Variants in TMEM229B observed in about 807,000 individuals in gnomAD.
TMEM229B encodes transmembrane protein 229B, also known as chromosome 14 open reading frame 83.
TMEM229B carries 6 observed loss-of-function variants against 13.7 expected under a neutral mutation model. That is an observed-to-expected ratio of 0.44 (90% confidence interval 0.24 to 0.86). The LOEUF (loss-of-function observed/expected upper bound fraction) is 0.86, where lower values mean the gene tolerates loss of function less well. TMEM229B is among the 40% of genes least tolerant of loss of function. TMEM229B has a pLI of 0.23. For missense variants in TMEM229B, 170 were observed against 236.0 expected (o/e 0.72, Z 1.83); for synonymous variants, 107 against 102.1 (o/e 1.05, Z -0.29).
Position 67,473,542 on chromosome 14 carries a change from C to A in TMEM229B, c.382G>T (p.Ala128Ser), listed in dbSNP as rs757359265. The A allele has an allele frequency of 1.2e-6, 2 of 1,613,972 alleles. No individual in the cohort carries two copies. The change falls in exon 3 of 3, where the codon GCC becomes TCC. Residue 128 changes from alanine to serine, a missense_variant. Transcript: ENST00000554480. The surrounding 1 kb of genome is among the most constrained non-coding windows in gnomAD (Gnocchi z 6.5). ...LEYAVPWFCG[A>S]LIMEQFIIRN... ...ATGATGAACTGCTCCATGATGAGGG[C>A]CCCGCAGAACCAGGGCACGGCGTAC...
Position 67,473,984 on chromosome 14 carries a change from G to T in TMEM229B, c.-18-43C>A. 1 of 1,514,140 alleles carries T rather than the reference G, an allele frequency of 6.6e-7. No homozygotes were observed. The highest frequency in any genetic ancestry group is 1.3e-5 in the South Asian group (1 of 76,258). 93.8% of individuals were successfully genotyped at this position (1,514,140 alleles called of 1,614,324 possible). ...GAGACAGGTGAGGGCCGGGCGCGGT[G>T]GCTCACGCCTATAATCCCTGCGCTT... On this transcript the variant is annotated intron_variant, in intron 2 of 2. Coordinates refer to ENST00000554480, the MANE Select transcript of TMEM229B (RefSeq NM_001348543.2). The surrounding 1 kb of genome is among the most constrained non-coding windows in gnomAD (Gnocchi z 6.5).
At chr14:67,475,913 GA>G (rs1337417626) in intron 2 of TMEM229B, among the ~76,000 whole-genome samples, 2 of 152,226 alleles carry the variant, frequency 1.3e-5, no homozygotes, top group Non-Finnish European at 1.5e-5. Flanking sequence ...TGAACTCCTT[GA>G]GGATAGTGAC....
At chr14:67,496,307 G>T (rs2032362580) in intron 1 of TMEM229B, among the ~76,000 whole-genome samples, 1 of 149,890 alleles carries the variant, frequency 6.7e-6, no homozygotes, top group East Asian at 2.0e-4. Context: ...TGCCCAGGCT[G>T]GTCTCAAATT....
In TMEM229B at chr14:67,473,682, G is replaced by C; in HGVS notation, c.242C>G (p.Thr81Arg). ...CPLLLRCLIY[T>R]LWTYLWEFTT... Reference sequence around the variant, plus strand: ...GAACTCCCACAGGTAGGTCCAGAGCGTGTAGATGAGGCAGCGCAGGAGCAG... The same window carrying C: ...GAACTCCCACAGGTAGGTCCAGAGCCTGTAGATGAGGCAGCGCAGGAGCAG... The change falls in exon 3 of 3, where the codon ACG (threonine) becomes AGG (arginine). Residue 81 changes from threonine to arginine, a missense_variant. By Grantham distance (71) the Thr-to-Arg change is moderately conservative. Transcript: ENST00000554480. The surrounding 1 kb of genome is among the most constrained non-coding windows in gnomAD (Gnocchi z 6.5). The C allele has an allele frequency of 1.9e-6, 3 of 1,584,818 alleles. No homozygotes were observed. Among genetic ancestry groups the C allele is most frequent in the Non-Finnish European group, 2.6e-6 (3 of 1,165,642 alleles).
At position 67,501,718 on chromosome 14, in the gene TMEM229B, A is replaced by G. The variant is rs139738416; in HGVS notation, c.-192+13368T>C. Among the ~76,000 whole-genome samples, 480 of 152,326 alleles carry G rather than the reference A, an allele frequency of 3.2e-3. 2 individuals carry two copies. Among genetic ancestry groups the G allele is most frequent in the Non-Finnish European group, 5.2e-3 (353 of 68,032 alleles). On this transcript the variant is annotated intron_variant, in intron 1 of 2. Transcript: ENST00000357461. Reference sequence around the variant, plus strand: ...AGGCATCTCTGTTGAGGAAGGTCGTATAGCACCAAAGTCCCCTATCTAAGA... The same window carrying G: ...AGGCATCTCTGTTGAGGAAGGTCGTGTAGCACCAAAGTCCCCTATCTAAGA...
At chr14:67,517,928 G>A (rs1174041759), upstream of TMEM229B, among the ~76,000 whole-genome samples, 1 of 152,166 alleles carries the variant, frequency 6.6e-6, no homozygotes, top group Non-Finnish European at 1.5e-5. Context: ...ATAAGATCAG[G>A]GGTGCACAGG....
At position 67,470,425 on chromosome 14, in the gene TMEM229B, G is replaced by C. The variant is rs957401042; in HGVS notation, c.*2995C>G. ...GGAGACAGTCCCACCCACCTCAAAG[G>C]CCCTTTAGCAGAGCTGGGGCCTGCA... On this transcript the variant is annotated 3_prime_UTR_variant, in exon 3 of 3. Coordinates refer to ENST00000554480, the MANE Select transcript of TMEM229B (RefSeq NM_001348543.2). 1 of 152,174 alleles carries C rather than the reference G, an allele frequency of 6.6e-6. No homozygotes were observed. The highest frequency in any genetic ancestry group is 2.4e-5 in the African/African-American group (1 of 41,446). 9.4% of individuals were successfully genotyped at this position (152,174 alleles called of 1,614,324 possible).
Position 67,473,940 on chromosome 14 carries a change from G to C in TMEM229B, c.-17C>G. On this transcript the variant is annotated splice_region_variant and 5_prime_UTR_variant, in exon 3 of 3. Coordinates refer to ENST00000554480, the MANE Select transcript of TMEM229B (RefSeq NM_001348543.2). This position sits in a 1 kb window ranked among gnomAD's most constrained non-coding sequence, Gnocchi z 6.5. ...AGACGCCATGGCGCCGACTGGGGCT[G>C]GCTGCGGGGGGCGCAAGAGAGACAG... The C allele has an allele frequency of 5.0e-6, 8 of 1,584,366 alleles. No homozygotes were observed. The highest frequency in any genetic ancestry group is 6.9e-6 in the Non-Finnish European group (8 of 1,165,878).
chr14:67,500,137 C>T (rs566377765), intron 1 of TMEM229B, among the ~76,000 whole-genome samples: 1 of 152,190 alleles, frequency 6.6e-6, no homozygotes, highest in South Asian at 2.1e-4. Flanking sequence ...GCACTCCAGC[C>T]TGGGCAACAG....
chr14:67,507,457 GACC>G (rs1052232284), intron 1 of TMEM229B, among the ~76,000 whole-genome samples: 1 of 152,116 alleles, frequency 6.6e-6, no homozygotes, highest in African/African-American at 2.4e-5. Flanking sequence ...GACTGAAGCA[GACC>G]CTGGAGTCCC....
intron 1 of TMEM229B, among the ~76,000 whole-genome samples, chr14:67,528,631 C>T (rs567299260): frequency 1.3e-5 from 2 of 152,312 alleles, no homozygotes; most frequent in South Asian, 4.1e-4. Context: ...CACCAGCTCC[C>T]AACTCAGGTG....
intron 1 of TMEM229B, among the ~76,000 whole-genome samples, chr14:67,498,577 CTGCAA>C (rs1304635044): frequency 5.9e-5 from 9 of 152,196 alleles, no homozygotes; most frequent in Admixed American, 5.9e-4. Flanking sequence ...GCAAGGGAAA[CTGCAA>C]TGCCAAGAAA....
intron 1 of TMEM229B, among the ~76,000 whole-genome samples, chr14:67,505,010 A>C (rs574610997): frequency 5.3e-5 from 8 of 152,332 alleles, no homozygotes; most frequent in African/African-American, 1.9e-4. Context: ...AAGTTTTAAA[A>C]CATCCAGTCA....
chr14:67,501,072 TAATAA>T (rs2032591993), intron 1 of TMEM229B, among the ~76,000 whole-genome samples: 1 of 147,836 alleles, frequency 6.8e-6, no homozygotes, highest in African/African-American at 2.5e-5. Flanking sequence ...ATAATAATAA[TAATAA>T]TAATAATAAA....
chr14:67,530,335 G>A (rs765810751), intron 1 of TMEM229B, among the ~76,000 whole-genome samples: 13 of 152,224 alleles, frequency 8.5e-5, no homozygotes, highest in Non-Finnish European at 1.6e-4. Context: ...TTAAGCAACT[G>A]CCCCAAGGTC....
intron 1 of TMEM229B, among the ~76,000 whole-genome samples, chr14:67,527,838 C>G (rs1490398770): frequency 7.2e-5 from 11 of 152,222 alleles, no homozygotes; most frequent in Non-Finnish European, 1.5e-4. Context: ...TGAGCAAGAA[C>G]TCACTCACAG....
At chr14:67,531,408 C>A (rs144372051) in intron 1 of TMEM229B, among the ~76,000 whole-genome samples, 109 of 152,160 alleles carry the variant, frequency 7.2e-4, no homozygotes, top group African/African-American at 2.5e-3. Flanking sequence ...CCTCTACCAC[C>A]CTCCCACAGA....
chr14:67,529,273 A>T (rs1377353377), intron 1 of TMEM229B, among the ~76,000 whole-genome samples: 1 of 151,982 alleles, frequency 6.6e-6, no homozygotes, highest in Non-Finnish European at 1.5e-5. Flanking sequence ...TACTGAACAG[A>T]TTATTTGCAG....
At chr14:67,503,529 A>T (rs889650682) in intron 1 of TMEM229B, 2 of 152,122 alleles carry the variant, frequency 1.3e-5, no homozygotes, top group Admixed American at 6.6e-5. Context: ...CACCTTCATG[A>T]CTCGGCATGG....
Sources: gnomAD v4.1 joint callset for allele counts (sites outside exome capture counted in the v4.1 genomes callset) on GRCh38, gnomAD v4.1.1 for gene constraint, Gnocchi (gnomAD v3.1) non-coding constraint, MANE v1.5 for transcripts, NCBI Gene and HGNC (gene_info 2026-07-23, HGNC 2026-07-21) for gene names.